CEP128: variants seen among roughly 807,000 people sequenced by gnomAD.
CEP128 encodes the protein centrosomal protein 128, also known as centrosomal protein 128kDa.
CEP128 carries 132 observed loss-of-function variants against 156.7 expected under a neutral mutation model. That is an observed-to-expected ratio of 0.84 (90% CI 0.73 to 0.97). CEP128 has a LOEUF of 0.97. Ranked by LOEUF, CEP128 falls within the 50% of genes least tolerant of loss-of-function variation. The pLI is 0.00. For missense variants in CEP128, 1,252 were observed against 1,281.9 expected (o/e 0.98, Z 0.36); for synonymous variants, 469 against 448.9 (o/e 1.04, Z -0.57).
At chr14:80,683,865 C>T (rs1310984151) in intron 19 of CEP128, among the ~76,000 whole-genome samples, 2 of 151,978 alleles carry the variant, frequency 1.3e-5, no homozygotes, top group Non-Finnish European at 2.9e-5. Context: ...TCCTGAATGA[C>T]TTTTGGGTAA....
At chr14:80,714,789 TAAAAA>T (rs1031388342) in intron 19 of CEP128, among the ~76,000 whole-genome samples, 1 of 147,012 alleles carries the variant, frequency 6.8e-6, no homozygotes, top group Non-Finnish European at 1.5e-5. Context: ...GATCAAGACT[TAAAAA>T]AAAAAGAAAA....
At chr14:80,902,590 T>G (rs532370067) in intron 6 of CEP128, among the ~76,000 whole-genome samples, 1 of 152,254 alleles carries the variant, frequency 6.6e-6, no homozygotes, top group South Asian at 2.1e-4. Context: ...TTTAGCTACT[T>G]AAGACAACAA....
chr14:80,704,924 A>T (rs964826849), intron 19 of CEP128, among the ~76,000 whole-genome samples: 1 of 152,082 alleles, frequency 6.6e-6, no homozygotes, highest in Non-Finnish European at 1.5e-5. Context: ...TCCAATCATC[A>T]TCAATGCATG....
rs1040938241 is a variant in CEP128, at chr14:80,609,240, T to C, written c.2807-28817A>G. ...AAAGCATTTGGATAAGTAAATATTA[T>C]GTAATTGGGAAGGGCTAGGCATGAC... On this transcript the variant is annotated intron_variant, in intron 19 of 24. Coordinates refer to ENST00000555265, the MANE Select transcript of CEP128 (RefSeq NM_152446.5). Among the ~76,000 whole-genome samples the C allele has an allele frequency of 2.6e-5, 4 of 152,156 alleles. No individual in the cohort carries two copies. The South Asian group carries it at 8.3e-4, about 32-fold the overall frequency.
intron 19 of CEP128, among the ~76,000 whole-genome samples, chr14:80,614,578 A>G (rs1893135291): frequency 6.6e-6 from 1 of 152,036 alleles, no homozygotes; most frequent in Non-Finnish European, 1.5e-5. Context: ...TTCTGCTCTC[A>G]TGTCCTACCT....
At chr14:80,707,966 C>T (rs2139395339) in intron 19 of CEP128, among the ~76,000 whole-genome samples, 1 of 152,060 alleles carries the variant, frequency 6.6e-6, no homozygotes, top group African/African-American at 2.4e-5. Flanking sequence ...AGGTATAGTA[C>T]CCTCATTTCT....
chr14:80,695,918 G>A (rs755160524), intron 19 of CEP128, among the ~76,000 whole-genome samples: 2 of 151,968 alleles, frequency 1.3e-5, no homozygotes, highest in African/African-American at 4.8e-5. Flanking sequence ...TTAAGCAGGG[G>A]TAAACATCTT....
intron 19 of CEP128, among the ~76,000 whole-genome samples, chr14:80,662,890 C>T (rs1566841823): frequency 6.6e-6 from 1 of 152,134 alleles, no homozygotes; most frequent in Admixed American, 6.6e-5. Context: ...AATGTAGCTA[C>T]CAAGTACCTG....
intron 24 of CEP128, among the ~76,000 whole-genome samples, chr14:80,498,492 C>T (rs1296187537): frequency 6.6e-6 from 1 of 152,220 alleles, no homozygotes; most frequent in Non-Finnish European, 1.5e-5. Context: ...CACTCACTCG[C>T]TCAGTAGCCC....
intron 16 of CEP128, among the ~76,000 whole-genome samples, chr14:80,767,467 A>T (rs1900296219): frequency 6.6e-6 from 1 of 152,096 alleles, no homozygotes; most frequent in South Asian, 2.1e-4. Context: ...AGCAAAAATA[A>T]CTCTAAAATC....
intron 9 of CEP128, among the ~76,000 whole-genome samples, chr14:80,861,966 A>C (rs1206470744): frequency 6.6e-6 from 1 of 152,206 alleles, no homozygotes; most frequent in Non-Finnish European, 1.5e-5. Context: ...TATCTAGAAT[A>C]AATGATGAAG....
intron 15 of CEP128, among the ~76,000 whole-genome samples, chr14:80,784,281 T>TG (rs1901279242): frequency 8.9e-6 from 1 of 111,868 alleles, no homozygotes; most frequent in South Asian, 3.1e-4. Flanking sequence ...ACACGTGTTA[T>TG]GAAAAAAAAA....
At chr14:80,604,918 A>G (rs1892719657) in intron 19 of CEP128, among the ~76,000 whole-genome samples, 2 of 152,120 alleles carry the variant, frequency 1.3e-5, no homozygotes, top group African/African-American at 2.4e-5. Flanking sequence ...GTTGACAATT[A>G]GGACAAAAAA....
At chr14:80,639,574 C>G (rs761009360) in intron 19 of CEP128, among the ~76,000 whole-genome samples, 1 of 152,052 alleles carries the variant, frequency 6.6e-6, no homozygotes, top group Non-Finnish European at 1.5e-5. Flanking sequence ...TTTGTTAGAT[C>G]CCTTATAATG....
chr14:80,548,325 G>A (rs1371844403), intron 21 of CEP128, among the ~76,000 whole-genome samples: 1 of 152,042 alleles, frequency 6.6e-6, no homozygotes, highest in Non-Finnish European at 1.5e-5. Flanking sequence ...GCTAAAGATT[G>A]AAGGTAATTT....
chr14:80,951,634 T>A (rs1886467811), intron 2 of CEP128, among the ~76,000 whole-genome samples: 1 of 151,968 alleles, frequency 6.6e-6, no homozygotes, highest in African/African-American at 2.4e-5. Context: ...AGAAAACTAA[T>A]AGCAAGATTA....
intron 13 of CEP128, among the ~76,000 whole-genome samples, chr14:80,811,712 T>A (rs1409698075): frequency 6.7e-6 from 1 of 150,272 alleles, no homozygotes; most frequent in Non-Finnish European, 1.5e-5. Flanking sequence ...TGTTTGAGAG[T>A]GTGGGTGTGT....
At chr14:80,562,993 T>A (rs1890753507) in intron 20 of CEP128, among the ~76,000 whole-genome samples, 1 of 152,098 alleles carries the variant, frequency 6.6e-6, no homozygotes, top group Non-Finnish European at 1.5e-5. Context: ...ATATGCTTCA[T>A]GATTAAAAAA....
At chr14:80,617,161 GCT>G (rs1893247566) in intron 19 of CEP128, among the ~76,000 whole-genome samples, 1 of 147,766 alleles carries the variant, frequency 6.8e-6, no homozygotes, top group Non-Finnish European at 1.5e-5. Context: ...GCAGACTTGG[GCT>G]CAAGTTCTAC....
Sources: gnomAD v4.1 joint callset for allele counts (sites outside exome capture counted in the v4.1 genomes callset) on GRCh38, gnomAD v4.1.1 for gene constraint, MANE v1.5 for transcripts, NCBI Gene and HGNC (gene_info 2026-07-23, HGNC 2026-07-21) for gene names.